The following AHRR variants were observed in gnomAD, a reference collection of about 807,000 sequenced individuals.
AHRR encodes the protein aryl hydrocarbon receptor repressor.
AHRR carries 28 observed loss-of-function variants against 44.0 expected under a neutral mutation model. The ratio of observed to expected loss-of-function variants is 0.64; its 90% CI spans 0.47 to 0.87. The LOEUF (loss-of-function observed/expected upper bound fraction) is 0.87. AHRR is among the 40% of genes least tolerant of loss of function. The pLI is 0.00. For synonymous variants in AHRR, 434 were observed against 407.0 expected (o/e 1.07, Z -0.80); for missense variants, 990 against 953.9 (o/e 1.04, Z -0.50).
At chr5:376,549 T>TG (rs1733683512) in intron 3 of AHRR, 61 bp from the exon 4 acceptor site, 3 of 1,410,078 alleles carry the variant, frequency 2.1e-6, no homozygotes, top group Non-Finnish European at 2.9e-6. Flanking sequence ...AAGATGTGAA[T>TG]GAAGAAGAGT....
At chr5:426,091 G>A (rs941896098) in intron 7 of AHRR, among the ~76,000 whole-genome samples, 1 of 152,248 alleles carries the variant, frequency 6.6e-6, no homozygotes, top group East Asian at 1.9e-4. Context: ...TTTTCCCCCT[G>A]GAGAGCTAGA....
Position 396,254 on chromosome 5 carries a change from G to A in AHRR, c.352-17090G>A, listed in dbSNP as rs146305719. Among the ~76,000 whole-genome samples, 294 of 152,300 alleles carry A rather than the reference G, an allele frequency of 1.9e-3. 1 individual carries two copies. The highest frequency in any genetic ancestry group is 6.7e-3 in the African/African-American group (277 of 41,562). On this transcript the variant is annotated intron_variant, in intron 4 of 10. Coordinates refer to ENST00000684583, the MANE Select transcript of AHRR (RefSeq NM_001377236.1). ...GCCTGGCACCCCCATCCTCAGGGGA[G>A]GCATGGGGGCTGGAAAGGACGGCCG...
rs13188494 is a variant in AHRR, at chr5:415,546, T to C, written c.441+2113T>C. Among the ~76,000 whole-genome samples the C allele has an allele frequency of 6.1e-3, 175 of 28,694 alleles. 1 individual carries two copies. The highest frequency in any genetic ancestry group is 0.018 in the Middle Eastern group (1 of 56). 18.8% of individuals were successfully genotyped at this position (28,694 alleles called of 152,430 possible). ...TAGGGGCCGAGTCTGCCTGGTCGGG[T>C]GGGAGGCCTAGGGGCCGAATCTGCC... On this transcript the variant is annotated intron_variant, in intron 5 of 10. Coordinates refer to ENST00000684583, the MANE Select transcript of AHRR (RefSeq NM_001377236.1).
At chr5:355,995 T>C (rs1345633171) in intron 3 of AHRR, among the ~76,000 whole-genome samples, 1 of 152,256 alleles carries the variant, frequency 6.6e-6, no homozygotes, top group Non-Finnish European at 1.5e-5. Context: ...AGTTAGATCT[T>C]AAACTATGCC....
intron 4 of AHRR, among the ~76,000 whole-genome samples, chr5:397,724 T>C (rs376349483): frequency 0.045 from 3,057 of 67,252 alleles, 121 homozygotes; most frequent in Admixed American, 0.068. Context: ...TCCACGTAGC[T>C]CCTGACCGTC....
In AHRR at chr5:370,557, G is replaced by A. The variant is rs1743539434; in HGVS notation, c.245-6053G>A. Among the ~76,000 whole-genome samples, 2 of 152,186 alleles carry A rather than the reference G, an allele frequency of 1.3e-5. No homozygotes were observed. The highest frequency in any genetic ancestry group is 6.5e-5 in the Admixed American group (1 of 15,280). ...GGACCCTGAGAGTCTCACAGTGGGT[G>A]CAGCCCCAGGCAGGTGGTGGTCCAT... On this transcript the variant is annotated intron_variant, in intron 3 of 10. Transcript: ENST00000684583. The surrounding 1 kb of genome is among the most constrained non-coding windows in gnomAD (Gnocchi z 4.5).
intron 4 of AHRR, among the ~76,000 whole-genome samples, chr5:382,981 T>A (rs1306930730): frequency 6.6e-6 from 1 of 152,244 alleles, no homozygotes; most frequent in Non-Finnish European, 1.5e-5. Flanking sequence ...TTTCATTTAG[T>A]TCAAAATGGT....
At chr5:367,634 C>G (rs1404601180) in intron 3 of AHRR, among the ~76,000 whole-genome samples, 1 of 152,208 alleles carries the variant, frequency 6.6e-6, no homozygotes, top group Non-Finnish European at 1.5e-5. Flanking sequence ...AGGCCATGCC[C>G]TCCTGCTGGG....
At chr5:397,827 C>T (rs1357845574) in intron 4 of AHRR, among the ~76,000 whole-genome samples, 12 of 100,920 alleles carry the variant, frequency 1.2e-4, no homozygotes, top group Non-Finnish European at 2.1e-4. Context: ...AGCTCCTGAC[C>T]GTCCATGTTA....
intron 3 of AHRR, among the ~76,000 whole-genome samples, chr5:369,413 G>A (rs1266864358): frequency 1.3e-5 from 2 of 152,236 alleles, no homozygotes; most frequent in Non-Finnish European, 2.9e-5. Flanking sequence ...TTGTCCCACA[G>A]GGTGGACTTG....
intron 5 of AHRR, among the ~76,000 whole-genome samples, chr5:416,857 T>C (rs1031294088): frequency 1.3e-5 from 2 of 151,986 alleles, no homozygotes; most frequent in Non-Finnish European, 2.9e-5. Context: ...CTTGGTCTTT[T>C]TGTGCAGGGC....
intron 5 of AHRR, among the ~76,000 whole-genome samples, chr5:415,643 TGGGGC>T (rs1735755534): frequency 6.9e-6 from 1 of 145,966 alleles, no homozygotes; most frequent in Admixed American, 7.1e-5. Context: ...ATCTGCCTGG[TGGGGC>T]GGGAGGCCTA....
Position 388,619 on chromosome 5 carries a change from C to T in AHRR, c.351+11903C>T, listed in dbSNP as rs942304502. 2.6e-5 allele frequency among the ~76,000 whole-genome samples: 4 copies of T among 152,202 alleles called. No individual in the cohort carries two copies. Among genetic ancestry groups the T allele is most frequent in the Admixed American group, 6.5e-5 (1 of 15,290 alleles). ...GCCAGGCAGCCCTGAGGGGCCGAGC[C>T]GACTGGAGGGGCACAGCCTGGCATG... On this transcript the variant is annotated intron_variant, in intron 4 of 10. Transcript: ENST00000684583. This position sits in a 1 kb window ranked among gnomAD's most constrained non-coding sequence, Gnocchi z 5.2.
At chr5:346,191 G>A (rs1298708392) in intron 2 of AHRR, among the ~76,000 whole-genome samples, 1 of 152,194 alleles carries the variant, frequency 6.6e-6, no homozygotes, top group Non-Finnish European at 1.5e-5. Context: ...TATATAAAGG[G>A]AGGAAACATA....
intron 1 of AHRR, among the ~76,000 whole-genome samples, chr5:340,787 C>T (rs1742321590): frequency 7.1e-6 from 1 of 141,316 alleles, no homozygotes. Flanking sequence ...ACCTCTGCCT[C>T]CCAGGTTCAA....
Position 342,736 on chromosome 5 carries a change from C to G in AHRR, c.-10-1157C>G, listed in dbSNP as rs189669448. On this transcript the variant is annotated intron_variant, in intron 1 of 10. Transcript: ENST00000684583. This position sits in a 1 kb window ranked among gnomAD's most constrained non-coding sequence, Gnocchi z 4.3. The stretch of plus-strand genomic sequence containing the variant: ...GGTTACTGCACACAGGTCTGCAGAA[C>G]GTTTGTGAGGGCTCAGCTGCACCCA... 3.0e-4 allele frequency among the ~76,000 whole-genome samples: 46 copies of G among 152,310 alleles called. No individual in the cohort carries two copies. The highest frequency in any genetic ancestry group is 1.1e-3 in the African/African-American group (46 of 41,564).
chr5:344,347 G>A (rs1478577557), intron 2 of AHRR, among the ~76,000 whole-genome samples: 2 of 150,352 alleles, frequency 1.3e-5, no homozygotes, highest in Non-Finnish European at 3.0e-5. Context: ...TGGCACGGCC[G>A]GGTGTGTGCG....
rs544916683 is a variant in AHRR at position 388,985 on chromosome 5, C to T, written c.351+12269C>T. Among the ~76,000 whole-genome samples, 5 of 152,222 alleles carry T rather than the reference C, an allele frequency of 3.3e-5. No homozygotes were observed. The highest frequency in any genetic ancestry group is 2.1e-4 in the South Asian group (1 of 4,822). ...GGGCCCCAAGCAGTTGTCACCTGAA[C>T]GGGAGGGCTGGCTGGGGCTCAGGGC... is the stretch of plus-strand genomic sequence containing the variant. On this transcript the variant is annotated intron_variant, in intron 4 of 10. Coordinates refer to ENST00000684583, the MANE Select transcript of AHRR (RefSeq NM_001377236.1). This position sits in a 1 kb window ranked among gnomAD's most constrained non-coding sequence, Gnocchi z 5.2.
At chr5:367,576 G>C (rs1171864647) in intron 3 of AHRR, among the ~76,000 whole-genome samples, 1 of 152,190 alleles carries the variant, frequency 6.6e-6, no homozygotes, top group African/African-American at 2.4e-5. Flanking sequence ...TGCCACGTGG[G>C]CCTTGCTGGG....
Sources: allele counts gnomAD v4.1 joint callset (sites outside exome capture counted in the v4.1 genomes callset), GRCh38; gene constraint gnomAD v4.1.1; non-coding constraint Gnocchi (gnomAD v3.1); transcripts MANE v1.5; gene names NCBI Gene and HGNC (gene_info 2026-07-23, HGNC 2026-07-21).